Variants in PER2 observed in about 807,000 individuals in gnomAD.
PER2 encodes the protein period circadian protein homolog 2.
A neutral mutation model predicts 121.0 loss-of-function variants in PER2; 66 were observed. The ratio of observed to expected loss-of-function variants is 0.55; its 90% CI spans 0.45 to 0.67. The LOEUF is 0.67. Among genes scored for constraint, PER2 ranks in the 30% least tolerant of loss-of-function variants. PER2 has a pLI of 0.00. For synonymous variants in PER2, 684 were observed against 659.9 expected (o/e 1.04, Z -0.56); for missense variants, 1,521 against 1,635.0 (o/e 0.93, Z 1.20).
At chr2:238,296,029 T>TGTGA in the PER2 span, among the ~76,000 whole-genome samples, 1 of 151,174 alleles carries the variant, frequency 6.6e-6, no homozygotes, top group African/African-American at 2.4e-5. Flanking sequence ...TCGTGTGCCC[T>TGTGA]CCTGCTGCAG....
At chr2:238,283,936 A>T (rs1366976609) in intron 1 of PER2, among the ~76,000 whole-genome samples, 1 of 152,166 alleles carries the variant, frequency 6.6e-6, no homozygotes, top group African/African-American at 2.4e-5. Context: ...GGTTAAGGGC[A>T]CAGGTCCTGG....
At chr2:238,297,713 A>C in the PER2 span, among the ~76,000 whole-genome samples, 1 of 152,320 alleles carries the variant, frequency 6.6e-6, no homozygotes, top group Middle Eastern at 3.4e-3. Context: ...GGTGGCTGTC[A>C]CTGCTGGCCC....
intron 21 of PER2, among the ~76,000 whole-genome samples, 179 bp from the exon 22 acceptor site, chr2:238,249,391 A>G (rs905597982): frequency 6.6e-6 from 1 of 152,250 alleles, no homozygotes; most frequent in African/African-American, 2.4e-5. Context: ...TTTTTCTATG[A>G]AAATGATGAT....
upstream of PER2, among the ~76,000 whole-genome samples, chr2:238,294,244 T>C (rs1303999307): frequency 6.6e-6 from 1 of 152,220 alleles, no homozygotes; most frequent in African/African-American, 2.4e-5. Flanking sequence ...CTCTGTCTAG[T>C]GTGCGTCCTG....
upstream of PER2, among the ~76,000 whole-genome samples, chr2:238,294,407 C>CTGG (rs1229271351): frequency 6.2e-4 from 95 of 152,282 alleles, no homozygotes; most frequent in African/African-American, 2.0e-3. Flanking sequence ...CATTAGGGTC[C>CTGG]CTGATCCTGG....
intron 22 of PER2, 94 bp from the exon 23 acceptor site, chr2:238,246,618 T>C (rs918670190): frequency 7.3e-6 from 6 of 823,302 alleles, no homozygotes; most frequent in Admixed American, 1.9e-5. Flanking sequence ...GGCTCACGCC[T>C]GTAATCCCAG....
intron 5 of PER2, among the ~76,000 whole-genome samples, chr2:238,272,163 A>G (rs1488255494): frequency 6.6e-6 from 1 of 152,240 alleles, no homozygotes. Context: ...TGGGAGGTCC[A>G]GCATGATATT....
At chr2:238,274,621 C>T (rs1260633049) in intron 4 of PER2, among the ~76,000 whole-genome samples, 1 of 152,172 alleles carries the variant, frequency 6.6e-6, no homozygotes, top group Non-Finnish European at 1.5e-5. Flanking sequence ...ACAGAGCAGC[C>T]CAACTGATCA....
chr2:238,285,156 T>C (rs182995678), intron 1 of PER2, among the ~76,000 whole-genome samples: 394 of 152,408 alleles, frequency 2.6e-3, no homozygotes, highest in Non-Finnish European at 4.4e-3. Flanking sequence ...CCTCTTTGCA[T>C]GTCCGCCTAC....
chr2:238,258,968 T>C (rs1695845409), intron 14 of PER2, among the ~76,000 whole-genome samples: 2 of 152,166 alleles, frequency 1.3e-5, no homozygotes, highest in Admixed American at 6.5e-5. Context: ...TCAGGGCCAA[T>C]GAGAGCCCAC....
upstream of PER2, among the ~76,000 whole-genome samples, chr2:238,294,357 G>A (rs764532154): frequency 8.5e-5 from 13 of 152,166 alleles, no homozygotes; most frequent in Non-Finnish European, 1.3e-4. Flanking sequence ...AGTCAGGAAC[G>A]GGGGCCTTGC....
intron 1 of PER2, among the ~76,000 whole-genome samples, chr2:238,285,467 A>T (rs1261714272): frequency 1.3e-5 from 2 of 152,238 alleles, no homozygotes; most frequent in Non-Finnish European, 2.9e-5. Flanking sequence ...TTTAAAAATT[A>T]GGAACGAAAG....
chr2:238,274,933 C>T (rs1696406143), intron 4 of PER2, among the ~76,000 whole-genome samples: 1 of 152,168 alleles, frequency 6.6e-6, no homozygotes, highest in Admixed American at 6.5e-5. Context: ...CCTTCCACAC[C>T]TGGCTCAAGG....
chr2:238,283,467 A>T (rs1054613607), intron 1 of PER2, among the ~76,000 whole-genome samples: 1 of 152,242 alleles, frequency 6.6e-6, no homozygotes, highest in East Asian at 1.9e-4. Context: ...GTGGAGAGTG[A>T]GCTACCAGAG....
chr2:238,261,478 C>G, intron 12 of PER2: 1 of 558,052 alleles, frequency 1.8e-6, no homozygotes, highest in East Asian at 3.2e-5. Context: ...GGTCTGCACA[C>G]GTCCTTCAGC....
intron 1 of PER2, among the ~76,000 whole-genome samples, chr2:238,281,864 A>T (rs555111215): frequency 2.0e-5 from 3 of 152,174 alleles, no homozygotes; most frequent in Non-Finnish European, 4.4e-5. Flanking sequence ...TCCATTGCAG[A>T]GAAGTGCTTA....
intron 1 of PER2, among the ~76,000 whole-genome samples, chr2:238,287,053 T>A (rs1291263351): frequency 1.3e-5 from 2 of 152,074 alleles, no homozygotes; most frequent in Non-Finnish European, 2.9e-5. Context: ...TCTGAGCCCC[T>A]CCAAACAAAC....
chr2:238,257,583 C>T (rs555650278), intron 16 of PER2, among the ~76,000 whole-genome samples: 77 of 152,360 alleles, frequency 5.1e-4, no homozygotes, highest in African/African-American at 1.6e-3. Flanking sequence ...AAGCCATTCT[C>T]CTGCCTCAGC....
At chr2:238,259,876 G>A in intron 14 of PER2, 93 bp downstream of exon 14, 4 of 705,490 alleles carry the variant, frequency 5.7e-6, no homozygotes. Flanking sequence ...TAGACTCCCT[G>A]CCAGCCAGAG....
Sources: allele counts gnomAD v4.1 joint callset (sites outside exome capture counted in the v4.1 genomes callset), GRCh38; gene constraint gnomAD v4.1.1; transcripts MANE v1.5; gene names NCBI Gene and HGNC (gene_info 2026-07-23, HGNC 2026-07-21).